The following TRIM3 variants were observed in gnomAD, a reference collection of about 807,000 sequenced individuals.
TRIM3 encodes the protein tripartite motif containing 3.
A neutral mutation model predicts 66.6 loss-of-function variants in TRIM3; 13 were observed. That is an observed-to-expected ratio of 0.20 (90% CI 0.13 to 0.31). The LOEUF (loss-of-function observed/expected upper bound fraction) is 0.31. Among genes scored for constraint, TRIM3 ranks in the 10% least tolerant of loss-of-function variants. The probability of loss-of-function intolerance (pLI) is 1.00; values close to 1 mark genes in which losing one functional copy is unlikely to be tolerated. For missense variants in TRIM3, 711 were observed against 1,020.4 expected (o/e 0.70, Z 4.13); for synonymous variants, 406 against 411.7 (o/e 0.99, Z 0.17).
At chr11:6,467,390 G>C (rs907506589) in intron 1 of TRIM3, among the ~76,000 whole-genome samples, 1 of 152,178 alleles carries the variant, frequency 6.6e-6, no homozygotes, top group Non-Finnish European at 1.5e-5. Context: ...TGTGTGGTTG[G>C]AGCCAAGTCA....
chr11:6,449,174 C>T lies in TRIM3; in HGVS notation c.2089G>A (p.Asp697Asn), dbSNP rs778812981. 1.9e-6 allele frequency: 3 copies of T among 1,613,920 alleles called. No homozygotes were observed. The highest frequency in any genetic ancestry group is 2.5e-6 in the Non-Finnish European group (3 of 1,179,874). Residue 697 changes from aspartate to asparagine, a missense_variant, in exon 12 of 12, where the codon GAC becomes AAC. Transcript: ENST00000345851. The surrounding 1 kb of genome is among the most constrained non-coding windows in gnomAD (Gnocchi z 5.3). ...TAGGACAGGAAGGAGCCAGAGCTGT[C>T]GAATACCTGGGGAAGGAGTGCAGAA... ...DWGNSRIQVF[D>N]SSGSFLSYIN...
At chr11:6,467,459 T>G (rs1403772289) in intron 1 of TRIM3, among the ~76,000 whole-genome samples, 5 of 152,168 alleles carry the variant, frequency 3.3e-5, no homozygotes, top group Admixed American at 2.6e-4. Flanking sequence ...AAGGACCTTA[T>G]AACCGCCATT....
At chr11:6,466,609 T>TC (rs397849221) in intron 1 of TRIM3, among the ~76,000 whole-genome samples, 6 of 151,510 alleles carry the variant, frequency 4.0e-5, no homozygotes, top group Non-Finnish European at 8.8e-5. Flanking sequence ...TTTTTTTTTT[T>TC]CCAGTTCCTG....
chr11:6,455,554 G>A (rs925629152), intron 7 of TRIM3, among the ~76,000 whole-genome samples: 4 of 152,170 alleles, frequency 2.6e-5, no homozygotes, highest in Non-Finnish European at 4.4e-5. Context: ...GAGGCAGTGG[G>A]AGGACCACCT....
intron 1 of TRIM3, among the ~76,000 whole-genome samples, chr11:6,467,264 A>G (rs1850506857): frequency 6.6e-6 from 1 of 152,150 alleles, no homozygotes; most frequent in African/African-American, 2.4e-5. Flanking sequence ...TGGGAGAAAA[A>G]TGGTATGGGT....
intron 1 of TRIM3, among the ~76,000 whole-genome samples, chr11:6,467,001 T>C (rs180790537): frequency 4.6e-5 from 7 of 152,338 alleles, no homozygotes; most frequent in African/African-American, 1.7e-4. Context: ...TTGATCTATA[T>C]TTACTGAATT....
rs376959049 is a variant in TRIM3 at position 6,448,680 on chromosome 11, G to A, written c.*348C>T. On this transcript the variant is annotated 3_prime_UTR_variant, in exon 12 of 12. Transcript: ENST00000345851. ...CTGTCTCTGTCAGTGTGTATAGGGTGGTAGGGAGACAACTAGAGGGACTCC... is the reference window on the plus strand; with the variant it reads ...CTGTCTCTGTCAGTGTGTATAGGGTAGTAGGGAGACAACTAGAGGGACTCC... 798 of 584,590 alleles carry A rather than the reference G, an allele frequency of 1.4e-3. 15 individuals are homozygous for A. In the South Asian group the frequency reaches 0.016, roughly 12 times the overall value. The allele number at this position is 584,590 out of a possible 1,614,324, so 36.2% of individuals were successfully genotyped here. A position where few individuals can be genotyped will look rare whatever the true frequency, so the allele number is the denominator to read the frequency against.
chr11:6,451,176 G>C, intron 8 of TRIM3, 95 bp downstream of exon 8: 1 of 1,583,504 alleles, frequency 6.3e-7, no homozygotes, highest in East Asian at 2.2e-5. Flanking sequence ...GGAGGAGGTA[G>C]GATTGGATCA....
chr11:6,455,701 C>T (rs1012586023), intron 7 of TRIM3, among the ~76,000 whole-genome samples: 15 of 152,054 alleles, frequency 9.9e-5, no homozygotes, highest in African/African-American at 1.9e-4. Context: ...TTGGAAGACA[C>T]GGAGGGCAGG....
intron 7 of TRIM3, 92 bp downstream of exon 7, chr11:6,455,980 C>T: frequency 7.9e-7 from 1 of 1,269,106 alleles, no homozygotes. Flanking sequence ...GTTCCATCTT[C>T]CAGGAGGTGA....
At chr11:6,459,291 A>T (rs1284051595) in intron 2 of TRIM3, among the ~76,000 whole-genome samples, 2 of 152,240 alleles carry the variant, frequency 1.3e-5, no homozygotes, top group Non-Finnish European at 2.9e-5. Flanking sequence ...TGGTGACAGA[A>T]GTCAAGGAGC....
Position 6,456,387 on chromosome 11 carries a change from G to T in TRIM3, c.1339C>A (p.Gln447Lys). The T allele has an allele frequency of 1.3e-6, 2 of 1,530,044 alleles. No individual in the cohort carries two copies. The highest frequency in any genetic ancestry group is 1.8e-6 in the Non-Finnish European group (2 of 1,136,146). The allele number at this position is 1,530,044 out of a possible 1,614,324, so 94.8% of individuals were successfully genotyped here. A position where few individuals can be genotyped will look rare whatever the true frequency, so the allele number is the denominator to read the frequency against. Residue 447 changes from glutamine (Q) to lysine (K), a missense_variant, in exon 6 of 12, where the codon CAG (glutamine) becomes AAG (lysine). Physicochemically the swap from Gln to Lys is moderately conservative, Grantham distance 53 (BLOSUM62 1). Transcript: ENST00000345851. This position sits in a 1 kb window ranked among gnomAD's most constrained non-coding sequence, Gnocchi z 6.4. ...GAGCTGGGCCTACGCACTGCCTTCT[G>T]GCGCACATGGCTGCCGGGGCCGCCA... ...SPGGPGSHVR[Q>K]KAVRRPSSMY...
At position 6,449,678 on chromosome 11, in the gene TRIM3, TTC is replaced by T; in HGVS notation, c.1942-234_1942-233del. On this transcript the variant is annotated intron_variant, in intron 10 of 11. Coordinates refer to ENST00000345851, the MANE Select transcript of TRIM3 (RefSeq NM_033278.4). This position sits in a 1 kb window ranked among gnomAD's most constrained non-coding sequence, Gnocchi z 5.3. ...CAGCTCATTTTCTTTGGGAAATCAG[TTC>T]TCTTAGTTCTCTATCTCAATGACTG... is the stretch of plus-strand genomic sequence containing the variant. 2 of 459,092 alleles carry T rather than the reference TTC, an allele frequency of 4.4e-6. No homozygotes were observed. The highest frequency in any genetic ancestry group is 7.7e-6 in the Non-Finnish European group (2 of 258,106). 28.4% of individuals were successfully genotyped at this position (459,092 alleles called of 1,614,324 possible).
intron 2 of TRIM3, among the ~76,000 whole-genome samples, chr11:6,462,086 A>G (rs1033865191): frequency 2.6e-5 from 4 of 152,252 alleles, no homozygotes; most frequent in African/African-American, 9.6e-5. Context: ...GCCTGGAACA[A>G]TCTGTCTCCT....
At position 6,450,790 on chromosome 11, in the gene TRIM3, A is replaced by T; in HGVS notation, c.1870+102T>A. On this transcript the variant is annotated intron_variant, in intron 9 of 11. Transcript: ENST00000345851. This position sits in a 1 kb window ranked among gnomAD's most constrained non-coding sequence, Gnocchi z 4.8. ...CTAACGTAAGGGAAGTGGGATCTCC[A>T]GAGCCAAGATATAGGAGGAGAGGGC... The T allele has an allele frequency of 6.5e-7, 1 of 1,529,344 alleles. No individual in the cohort carries two copies. Among genetic ancestry groups the T allele is most frequent in the Non-Finnish European group, 9.0e-7 (1 of 1,116,794 alleles). The allele number at this position is 1,529,344 out of a possible 1,614,324, so 94.7% of individuals were successfully genotyped here.
chr11:6,457,329 G>T lies in TRIM3; in HGVS notation c.663C>A (p.Ser221Arg). The change falls in exon 5 of 12, where the codon AGC becomes AGA. Residue 221 changes from serine (S) to arginine (R), a missense_variant. Ser to Arg is a moderately radical substitution (Grantham distance 110). Coordinates refer to ENST00000345851, the MANE Select transcript of TRIM3 (RefSeq NM_033278.4). The surrounding 1 kb of genome is among the most constrained non-coding windows in gnomAD (Gnocchi z 4.5). ...TGGCCCCACAAATGGTCTCCAGGTC[G>T]CTGACCAGAGCCTGCTTGCGCTGCT... ...ALQQRKQALV[S>R]DLETICGAKQ... 1.9e-6 allele frequency: 3 copies of T among 1,614,120 alleles called. No individual in the cohort carries two copies. The highest frequency in any genetic ancestry group is 1.7e-6 in the Non-Finnish European group (2 of 1,180,032).
chr11:6,452,904 T>C (rs1849792034), intron 7 of TRIM3: 1 of 152,148 alleles, frequency 6.6e-6, no homozygotes, highest in Admixed American at 6.5e-5. Context: ...ATTCTTAGAA[T>C]TTCCAGGTCA....
chr11:6,463,240 A>C (rs1219819046), intron 2 of TRIM3, among the ~76,000 whole-genome samples: 1 of 152,190 alleles, frequency 6.6e-6, no homozygotes, highest in African/African-American at 2.4e-5. Flanking sequence ...ACAAACCAAA[A>C]AAAATTAAAA....
At position 6,457,196 on chromosome 11, in the gene TRIM3, G is replaced by C. The variant is rs1053772155; in HGVS notation, c.696+100C>G. On this transcript the variant is annotated intron_variant, in intron 5 of 11. Coordinates refer to ENST00000345851, the MANE Select transcript of TRIM3 (RefSeq NM_033278.4). This position sits in a 1 kb window ranked among gnomAD's most constrained non-coding sequence, Gnocchi z 4.5. ...GGCATGTCAGGAGGCAGAATATCTA[G>C]GCTGGGGAATGGGGAGCTGGTGTGG... The C allele has an allele frequency of 2.9e-5, 45 of 1,539,836 alleles. No individual in the cohort carries two copies. Among genetic ancestry groups the C allele is most frequent in the Middle Eastern group, 1.8e-4 (1 of 5,706 alleles).
Sources: allele counts gnomAD v4.1 joint callset (sites outside exome capture counted in the v4.1 genomes callset), GRCh38; gene constraint gnomAD v4.1.1; non-coding constraint Gnocchi (gnomAD v3.1); transcripts MANE v1.5; gene names NCBI Gene and HGNC (gene_info 2026-07-23, HGNC 2026-07-21).